CCDC85A: variants seen among roughly 807,000 people sequenced by gnomAD.
The protein encoded by CCDC85A is coiled-coil domain-containing protein 85A.
Under a neutral mutation model 50.2 loss-of-function variants are expected in CCDC85A, and 38 were observed. The observed-to-expected ratio is 0.76, with a 90% CI of 0.58 to 0.99. CCDC85A has a LOEUF of 0.99. Among genes scored for constraint, CCDC85A ranks in the 50% least tolerant of loss-of-function variants. The pLI is 0.00. For synonymous variants in CCDC85A, 366 were observed against 301.4 expected, an observed-to-expected ratio of 1.21 and a Z score of -2.22; for missense variants, 820 against 742.0, an observed-to-expected ratio of 1.11 and a Z score of -1.22.
chr2:56,287,891 G>A (rs994460281), intron 2 of CCDC85A, among the ~76,000 whole-genome samples: 5 of 152,156 alleles, frequency 3.3e-5, no homozygotes, highest in African/African-American at 1.2e-4. Flanking sequence ...GAGCAGGACT[G>A]TAGGCCTTTT....
intron 2 of CCDC85A, among the ~76,000 whole-genome samples, chr2:56,257,767 A>G (rs1482380371): frequency 6.6e-6 from 1 of 152,204 alleles, no homozygotes; most frequent in Non-Finnish European, 1.5e-5. Context: ...AGCTATTGTG[A>G]TGTTATACAT....
intron 2 of CCDC85A, among the ~76,000 whole-genome samples, chr2:56,247,705 G>C (rs1669574645): frequency 6.6e-6 from 1 of 152,154 alleles, no homozygotes; most frequent in East Asian, 1.9e-4. Context: ...ACATAAACCT[G>C]TAAAAAGATA....
At chr2:56,225,813 T>G (rs953075045) in intron 2 of CCDC85A, among the ~76,000 whole-genome samples, 1 of 152,188 alleles carries the variant, frequency 6.6e-6, no homozygotes, top group Admixed American at 6.5e-5. Context: ...TGCATTATTT[T>G]CTCTCCTTGA....
chr2:56,280,659 A>C (rs1042609275), intron 2 of CCDC85A, among the ~76,000 whole-genome samples: 1 of 152,198 alleles, frequency 6.6e-6, no homozygotes, highest in Non-Finnish European at 1.5e-5. Flanking sequence ...GGATCCAGCT[A>C]CTGAGAGAAT....
At chr2:56,373,134 G>A (rs1676165186) in intron 4 of CCDC85A, among the ~76,000 whole-genome samples, 1 of 152,132 alleles carries the variant, frequency 6.6e-6, no homozygotes, top group African/African-American at 2.4e-5. Context: ...TGTTATTGCA[G>A]TCTAGAAAAA....
At chr2:56,228,924 A>G (rs1668661841) in intron 2 of CCDC85A, among the ~76,000 whole-genome samples, 1 of 152,222 alleles carries the variant, frequency 6.6e-6, no homozygotes, top group South Asian at 2.1e-4. Context: ...ACTTCCATTT[A>G]TTGGACAATA....
chr2:56,335,519 A>G (rs1158402274), intron 2 of CCDC85A, among the ~76,000 whole-genome samples: 1 of 152,132 alleles, frequency 6.6e-6, no homozygotes, highest in Non-Finnish European at 1.5e-5. Context: ...GGAATCCAAG[A>G]TCAAGGGGTT....
At chr2:56,207,951 T>C (rs1558584452) in intron 2 of CCDC85A, among the ~76,000 whole-genome samples, 1 of 152,170 alleles carries the variant, frequency 6.6e-6, no homozygotes, top group Non-Finnish European at 1.5e-5. Context: ...TCATGTTTTA[T>C]TGGCTTAATT....
intron 3 of CCDC85A, among the ~76,000 whole-genome samples, chr2:56,372,098 CT>C (rs1676102076): frequency 6.6e-6 from 1 of 152,138 alleles, no homozygotes. Flanking sequence ...ACTTTATCGT[CT>C]ACTTTTTGAT....
intron 2 of CCDC85A, among the ~76,000 whole-genome samples, chr2:56,301,998 G>A (rs1267607607): frequency 6.6e-6 from 1 of 152,152 alleles, no homozygotes; most frequent in Non-Finnish European, 1.5e-5. Context: ...GCTCACGCCT[G>A]TAATCCCAGC....
intron 2 of CCDC85A, among the ~76,000 whole-genome samples, chr2:56,206,493 G>T (rs963349546): frequency 6.6e-6 from 1 of 152,122 alleles, no homozygotes; most frequent in Non-Finnish European, 1.5e-5. Context: ...CCTTTGTGCT[G>T]CATCATCCCA....
At chr2:56,264,277 A>G (rs1356081410) in intron 2 of CCDC85A, among the ~76,000 whole-genome samples, 1 of 152,122 alleles carries the variant, frequency 6.6e-6, no homozygotes, top group African/African-American at 2.4e-5. Flanking sequence ...TTCTCCTTGA[A>G]TATCCAGCAG....
chr2:56,294,941 C>G (rs994048848), intron 2 of CCDC85A, among the ~76,000 whole-genome samples: 2 of 152,108 alleles, frequency 1.3e-5, no homozygotes. Context: ...ATAATTATGA[C>G]AGTGATTTTG....
intron 2 of CCDC85A, among the ~76,000 whole-genome samples, chr2:56,231,465 A>G (rs1668769384): frequency 1.3e-5 from 2 of 152,204 alleles, no homozygotes; most frequent in African/African-American, 4.8e-5. Context: ...GTTTGGTGGA[A>G]AAGAGACACA....
intron 5 of CCDC85A, among the ~76,000 whole-genome samples, chr2:56,382,566 C>T (rs893301316): frequency 6.6e-6 from 1 of 151,880 alleles, no homozygotes; most frequent in African/African-American, 2.4e-5. Flanking sequence ...TTGTAAATTC[C>T]CTGAGGACAG....
At chr2:56,320,660 C>T (rs1489673601) in intron 2 of CCDC85A, among the ~76,000 whole-genome samples, 5 of 152,136 alleles carry the variant, frequency 3.3e-5, no homozygotes, top group Non-Finnish European at 2.9e-5. Flanking sequence ...AGCCTACCAA[C>T]CAAAAAAAGT....
chr2:56,315,813 A>G (rs1465339558), intron 2 of CCDC85A, among the ~76,000 whole-genome samples: 1 of 152,140 alleles, frequency 6.6e-6, no homozygotes, highest in East Asian at 1.9e-4. Context: ...AATAAAATAT[A>G]TTTGAGACTC....
intron 4 of CCDC85A, 49 bp downstream of exon 4, chr2:56,372,527 T>A (rs759180274): frequency 6.8e-7 from 1 of 1,460,314 alleles, no homozygotes; most frequent in Non-Finnish European, 9.1e-7. Flanking sequence ...CATAACCAGA[T>A]GACTTCTGTT....
intron 3 of CCDC85A, among the ~76,000 whole-genome samples, chr2:56,362,824 A>G (rs1219861930): frequency 6.6e-6 from 1 of 151,786 alleles, no homozygotes; most frequent in Non-Finnish European, 1.5e-5. Context: ...GGGTTTTGCC[A>G]TGTTGGCCAG....
Sources: allele counts gnomAD v4.1 joint callset (sites outside exome capture counted in the v4.1 genomes callset), GRCh38; gene constraint gnomAD v4.1.1; transcripts MANE v1.5; gene names NCBI Gene and HGNC (gene_info 2026-07-23, HGNC 2026-07-21).